The following ARMH1 variants were observed in gnomAD, a reference collection of about 807,000 sequenced individuals.
ARMH1 encodes the protein armadillo-like helical domain containing protein 1.
ARMH1 carries 34 observed loss-of-function variants against 50.2 expected under a neutral mutation model. The ratio of observed to expected loss-of-function variants is 0.68; its 90% CI spans 0.51 to 0.90. The LOEUF is 0.90. Among genes scored for constraint, ARMH1 ranks in the 40% least tolerant of loss-of-function variants. The pLI, the probability that ARMH1 is intolerant of heterozygous loss-of-function variation, is 0.00. For missense variants in ARMH1, 538 were observed against 553.9 expected (o/e 0.97, Z 0.29); for synonymous variants, 221 against 224.2 (o/e 0.99, Z 0.13).
In ARMH1 at chr1:44,705,758, T is replaced by G. The variant is rs186000703; in HGVS notation, c.724+1585T>G. 2.0e-5 allele frequency among the ~76,000 whole-genome samples: 3 copies of G among 152,330 alleles called. No homozygotes were observed. In the East Asian group the frequency reaches 5.8e-4, roughly 29 times the overall value. On this transcript the variant is annotated intron_variant, in intron 6 of 11. Transcript: ENST00000535358. ...TGGCAGATATTTAAACGATATAATT[T>G]CCTTCCCTTTCCCTATAGTGGTTCA...
chr1:44,703,682 C>T (rs1165911958), intron 5 of ARMH1, among the ~76,000 whole-genome samples: 1 of 143,818 alleles, frequency 7.0e-6, no homozygotes, highest in Non-Finnish European at 1.5e-5. Flanking sequence ...GAGCCGAGAT[C>T]GCGCCACTGC....
intron 1 of ARMH1, chr1:44,684,411 G>C (rs1299604772): frequency 1.3e-5 from 2 of 152,078 alleles, no homozygotes; most frequent in Non-Finnish European, 2.9e-5. Flanking sequence ...CCCCGCTGAA[G>C]AAATATAAAA....
At chr1:44,723,945 C>T (rs1020370900) in intron 6 of ARMH1, 177 bp from the exon 7 acceptor site, 92 of 735,992 alleles carry the variant, frequency 1.3e-4, no homozygotes, top group Non-Finnish European at 1.7e-4. Context: ...CCCCCTTCAG[C>T]CCCCTCCTCC....
intron 6 of ARMH1, among the ~76,000 whole-genome samples, chr1:44,708,122 G>T (rs568561496): frequency 1.3e-5 from 2 of 152,370 alleles, no homozygotes; most frequent in South Asian, 4.1e-4. Context: ...AGGGAGAGAA[G>T]AAATTCGCAC....
Position 44,705,573 on chromosome 1 carries a change from A to T in ARMH1, c.724+1400A>T, listed in dbSNP as rs189552441. On this transcript the variant is annotated intron_variant, in intron 6 of 11. Transcript: ENST00000535358. The stretch of plus-strand genomic sequence containing the variant: ...ACCCTGGTACATATTAGGTATTCAA[A>T]TGTTTCCATGAATGAATGGTAAAGA... Among the ~76,000 whole-genome samples the T allele has an allele frequency of 2.2e-3, 332 of 152,298 alleles. 5 individuals carry two copies. Among genetic ancestry groups the T allele is most frequent in the African/African-American group, 7.5e-3 (313 of 41,568 alleles).
intron 6 of ARMH1, among the ~76,000 whole-genome samples, chr1:44,710,283 C>A (rs1276078261): frequency 1.3e-5 from 2 of 152,060 alleles, no homozygotes; most frequent in African/African-American, 2.4e-5. Context: ...TACTTAGGTT[C>A]CTAATTCTAA....
rs34632415 is a variant in ARMH1 at position 44,704,834 on chromosome 1, CTT to C, written c.724+678_724+679del. Among the ~76,000 whole-genome samples, 556 of 124,304 alleles carry C rather than the reference CTT, an allele frequency of 4.5e-3. 6 individuals carry two copies. Among genetic ancestry groups the C allele is most frequent in the South Asian group, 0.033 (121 of 3,682 alleles). The allele number at this position is 124,304 out of a possible 152,430, so 81.5% of individuals were successfully genotyped here. A position where few individuals can be genotyped will look rare whatever the true frequency, so the allele number is the denominator to read the frequency against. The stretch of plus-strand genomic sequence containing the variant: ...GCCAGGAGCTTTTATTTATTGAGAA[CTT>C]TTTTTTTTTTTTTTTTGAGACGGAA... On this transcript the variant is annotated intron_variant, in intron 6 of 11. Transcript: ENST00000535358.
At chr1:44,710,249 CTTCGG>C (rs1420378605) in intron 6 of ARMH1, among the ~76,000 whole-genome samples, 7 of 152,094 alleles carry the variant, frequency 4.6e-5, no homozygotes, top group Non-Finnish European at 5.9e-5. Flanking sequence ...TGTTAGTTTC[CTTCGG>C]TTCTTGGCTG....
intron 4 of ARMH1, among the ~76,000 whole-genome samples, chr1:44,700,389 G>A (rs1646019367): frequency 1.3e-5 from 2 of 152,192 alleles, no homozygotes; most frequent in East Asian, 3.9e-4. Flanking sequence ...AGGCCAAGGT[G>A]GGCGCATCAC....
intron 6 of ARMH1, among the ~76,000 whole-genome samples, chr1:44,709,502 C>T (rs1369667921): frequency 2.0e-5 from 3 of 152,092 alleles, no homozygotes; most frequent in Non-Finnish European, 2.9e-5. Context: ...GAAACCCCAT[C>T]TCTACTAAAA....
intron 2 of ARMH1, among the ~76,000 whole-genome samples, chr1:44,692,741 T>TTGTTTG (rs1430833062): frequency 2.6e-5 from 4 of 152,124 alleles, no homozygotes; most frequent in Non-Finnish European, 5.9e-5. Context: ...TTTTGTTTGT[T>TTGTTTG]TGTTTGTTTG....
intron 2 of ARMH1, among the ~76,000 whole-genome samples, chr1:44,694,509 C>CTTTT (rs10531731): frequency 8.8e-6 from 1 of 113,676 alleles, no homozygotes; most frequent in Non-Finnish European, 1.7e-5. Flanking sequence ...TTCTTTTTTT[C>CTTTT]TTTTTTTTTT....
Position 44,724,759 on chromosome 1 carries a change from C to A in ARMH1, c.1051-3C>A. On this transcript the variant is annotated splice_polypyrimidine_tract_variant and splice_region_variant and intron_variant, in intron 9 of 11. Transcript: ENST00000535358. The surrounding 1 kb of genome is among the most constrained non-coding windows in gnomAD (Gnocchi z 6.4). ...GTCACGCCGCCTCGCCCGCGCGGCG[C>A]AGTGCTTCGTGCAGATGTTCCCCTT... is the stretch of plus-strand genomic sequence containing the variant. 3 of 1,541,284 alleles carry A rather than the reference C, an allele frequency of 1.9e-6. No homozygotes were observed. The highest frequency in any genetic ancestry group is 1.2e-5 in the South Asian group (1 of 83,718).
chr1:44,695,057 T>A (rs918913959), intron 2 of ARMH1, among the ~76,000 whole-genome samples: 1 of 152,078 alleles, frequency 6.6e-6, no homozygotes, highest in Non-Finnish European at 1.5e-5. Flanking sequence ...AGACCACAGC[T>A]CCACCTGCGA....
At position 44,681,390 on chromosome 1, in the gene ARMH1, C is replaced by T. The variant is rs1291764378; in HGVS notation, c.-23+6517C>T. Among the ~76,000 whole-genome samples, 2 of 152,084 alleles carry T rather than the reference C, an allele frequency of 1.3e-5. No individual in the cohort carries two copies. Among genetic ancestry groups the T allele is most frequent in the Admixed American group, 6.5e-5 (1 of 15,270 alleles). On this transcript the variant is annotated intron_variant, in intron 1 of 11. Coordinates refer to ENST00000535358, the MANE Select transcript of ARMH1 (RefSeq NM_001145636.2). This position sits in a 1 kb window ranked among gnomAD's most constrained non-coding sequence, Gnocchi z 4.3. ...ACTCAGGAGGCTGAGGCAGGAGGAT[C>T]GCTTGAGCCCGGGAGTTCAAGACTG...
chr1:44,704,111 C>G lies in ARMH1; in HGVS notation c.662C>G (p.Pro221Arg), dbSNP rs1646227603. The G allele has an allele frequency of 1.9e-6, 3 of 1,551,154 alleles. No homozygotes were observed. The highest frequency in any genetic ancestry group is 1.4e-5 in the African/African-American group (1 of 72,972). ...TAQPIIGTTH[P>R]SIVDCVLKVL... ...CAGCCAATCATTGGGACCACACACC[C>G]CAGCATCGTGGACTGCGTGCTGAAG... Residue 221 changes from proline (P) to arginine (R), a missense_variant, in exon 6 of 12, where the codon CCC becomes CGC. Physicochemically the swap from Pro to Arg is moderately radical, Grantham distance 103. Coordinates refer to ENST00000535358, the MANE Select transcript of ARMH1 (RefSeq NM_001145636.2).
intron 1 of ARMH1, 48 bp downstream of exon 1, chr1:44,674,921 T>A (rs1392457466): frequency 6.6e-6 from 1 of 152,094 alleles, no homozygotes; most frequent in African/African-American, 2.4e-5. Context: ...CGACCCAACC[T>A]CCACCCAGTG....
chr1:44,685,569 C>G (rs966041883), intron 1 of ARMH1, among the ~76,000 whole-genome samples: 7 of 152,060 alleles, frequency 4.6e-5, no homozygotes, highest in Non-Finnish European at 1.0e-4. Context: ...CCTCAGCCTC[C>G]CAACATACTG....
chr1:44,679,497 T>G (rs371574038), intron 1 of ARMH1, among the ~76,000 whole-genome samples: 15 of 152,236 alleles, frequency 9.9e-5, no homozygotes, highest in African/African-American at 3.6e-4. Flanking sequence ...CAAAAAAAAT[T>G]TCTCCCCTTC....
Sources: gnomAD v4.1 joint callset for allele counts (sites outside exome capture counted in the v4.1 genomes callset) on GRCh38, gnomAD v4.1.1 for gene constraint, Gnocchi (gnomAD v3.1) non-coding constraint, MANE v1.5 for transcripts, NCBI Gene and HGNC (gene_info 2026-07-23, HGNC 2026-07-21) for gene names.